The following NDUFA10 variants were observed in gnomAD, a reference collection of about 807,000 sequenced individuals.
NDUFA10 encodes NADH dehydrogenase [ubiquinone] 1 alpha subcomplex subunit 10, mitochondrial.
A neutral mutation model predicts 47.8 loss-of-function variants in NDUFA10; 40 were observed. The ratio of observed to expected loss-of-function variants is 0.84; its 90% CI spans 0.65 to 1.09. NDUFA10 has a LOEUF of 1.09. NDUFA10 is among the 50% of genes least tolerant of loss of function. The probability of loss-of-function intolerance (pLI) is 0.00; values close to 1 mark genes in which losing one functional copy is unlikely to be tolerated. For missense variants in NDUFA10, 413 were observed against 451.1 expected (o/e 0.92, Z 0.76); for synonymous variants, 183 against 172.2 (o/e 1.06, Z -0.49).
At chr2:239,952,336 C>T (rs1694570399) in intron 4 of NDUFA10, among the ~76,000 whole-genome samples, 1 of 151,864 alleles carries the variant, frequency 6.6e-6, no homozygotes. Flanking sequence ...ACCTCCTGGG[C>T]AGAGATGAGG....
At chr2:239,895,189 G>A (rs1219749177) in intron 5 of NDUFA10, 1 of 443,086 alleles carries the variant, frequency 2.3e-6, no homozygotes, top group East Asian at 7.6e-5. Flanking sequence ...CCAGGCCTCT[G>A]CCCCAACTCA....
Position 239,960,810 on chromosome 2 carries a change from G to C in NDUFA10, c.*308C>G. The C allele has an allele frequency of 7.7e-7, 1 of 1,296,784 alleles. No homozygotes were observed. The highest frequency in any genetic ancestry group is 9.9e-7 in the Non-Finnish European group (1 of 1,010,860). The allele number at this position is 1,296,784 out of a possible 1,614,324, so 80.3% of individuals were successfully genotyped here. ...GTGCACAACCTGAATGACACAGAGC[G>C]GCAGCGCTGAAACCACAGGGGCTGC... On this transcript the variant is annotated 3_prime_UTR_variant, in exon 10 of 10. Coordinates refer to ENST00000252711, the MANE Select transcript of NDUFA10 (RefSeq NM_004544.4).
intron 4 of NDUFA10, among the ~76,000 whole-genome samples, chr2:239,913,640 C>T (rs1206741156): frequency 2.6e-5 from 4 of 152,238 alleles, no homozygotes; most frequent in African/African-American, 9.6e-5. Flanking sequence ...ATGCGTCAGG[C>T]TCACGTCTGT....
intron 9 of NDUFA10, 128 bp from the exon 10 acceptor site, chr2:239,961,314 T>C: frequency 1.9e-6 from 3 of 1,546,198 alleles, no homozygotes; most frequent in Non-Finnish European, 2.6e-6. Flanking sequence ...GGTGAGCACA[T>C]GATCTGTGGC....
chr2:239,918,191 AT>A (rs1574777949), intron 4 of NDUFA10, among the ~76,000 whole-genome samples: 2 of 152,222 alleles, frequency 1.3e-5, no homozygotes, highest in East Asian at 3.9e-4. Flanking sequence ...CAGATGGACC[AT>A]GCATGCTCTG....
intron 4 of NDUFA10, 120 bp from the exon 5 acceptor site, chr2:240,014,980 T>A: frequency 7.2e-7 from 1 of 1,397,888 alleles, no homozygotes; most frequent in Non-Finnish European, 9.9e-7. Context: ...CGTACCAATC[T>A]ACAAACCCTA....
At chr2:239,915,734 CAG>C (rs964627265) in intron 4 of NDUFA10, among the ~76,000 whole-genome samples, 1 of 151,586 alleles carries the variant, frequency 6.6e-6, no homozygotes, top group African/African-American at 2.4e-5. Flanking sequence ...CAGAGACACA[CAG>C]AGATACACAT....
At chr2:239,972,143 G>A (rs1223797349) in intron 9 of NDUFA10, among the ~76,000 whole-genome samples, 3 of 27,466 alleles carry the variant, frequency 1.1e-4, no homozygotes, top group Non-Finnish European at 1.6e-4. Context: ...AAGGATGTGT[G>A]TGTGTGTGTG....
chr2:240,022,281 A>AAGT lies in NDUFA10; in HGVS notation c.132_134dup (p.Leu45dup). Reference sequence around the variant, plus strand: ...TCAGTCTTTTGCTTGCTTTATCCCCAAGTAGGAAATGCCACATTCCATAGC... The same window carrying AAGT: ...TCAGTCTTTTGCTTGCTTTATCCCCAAGTAGTAGGAAATGCCACATTCCATAGC... On this transcript the variant is annotated inframe_insertion, in exon 2 of 10. Coordinates refer to ENST00000252711, the MANE Select transcript of NDUFA10 (RefSeq NM_004544.4). 1 of 1,614,012 alleles carries AAGT rather than the reference A, an allele frequency of 6.2e-7. No homozygotes were observed. Among genetic ancestry groups the AAGT allele is most frequent in the Non-Finnish European group, 8.5e-7 (1 of 1,180,012 alleles).
At chr2:240,000,734 T>C (rs1696675239) in intron 8 of NDUFA10, among the ~76,000 whole-genome samples, 1 of 152,166 alleles carries the variant, frequency 6.6e-6, no homozygotes, top group Non-Finnish European at 1.5e-5. Context: ...TTTTATACCA[T>C]ATTATTTTTT....
chr2:239,953,843 C>T (rs568288482), downstream of NDUFA10, among the ~76,000 whole-genome samples: 19 of 152,352 alleles, frequency 1.2e-4, no homozygotes, highest in Admixed American at 9.8e-4. Context: ...AAATAGACTC[C>T]GCTTCCAAAC....
At chr2:240,020,256 G>T (rs368852920) in intron 3 of NDUFA10, among the ~76,000 whole-genome samples, 1 of 152,166 alleles carries the variant, frequency 6.6e-6, no homozygotes, top group Non-Finnish European at 1.5e-5. Flanking sequence ...GAGCTTGTGC[G>T]TGAGAAGCTC....
chr2:239,945,852 C>T lies in NDUFA10; in HGVS notation c.294+44222G>A, dbSNP rs1261874295. ...CAGGCTTCAAGGGCCCACAGGGCTC[C>T]GGGACTGCAAGCCAGAAGCACCCTG... is the stretch of plus-strand genomic sequence containing the variant. On this transcript the variant is annotated intron_variant, in intron 4 of 5. Coordinates refer to the NDUFA10 transcript ENST00000419408. The surrounding 1 kb of genome is among the most constrained non-coding windows in gnomAD (Gnocchi z 4.6). Among the ~76,000 whole-genome samples the T allele has an allele frequency of 4.6e-5, 7 of 152,060 alleles. No individual in the cohort carries two copies. The highest frequency in any genetic ancestry group is 1.2e-4 in the African/African-American group (5 of 41,404).
chr2:239,937,170 G>C (rs1694278986), intron 4 of NDUFA10, among the ~76,000 whole-genome samples: 1 of 152,106 alleles, frequency 6.6e-6, no homozygotes. Flanking sequence ...GCCAACATGA[G>C]CCCATGCACT....
intron 9 of NDUFA10, among the ~76,000 whole-genome samples, chr2:239,981,381 C>T (rs769361996): frequency 8.6e-5 from 13 of 151,226 alleles, no homozygotes; most frequent in African/African-American, 1.2e-4. Flanking sequence ...TCCAGAGCAG[C>T]GCTCCAGAGA....
intron 4 of NDUFA10, among the ~76,000 whole-genome samples, chr2:239,930,005 G>A (rs1694136484): frequency 2.0e-5 from 2 of 98,548 alleles, no homozygotes; most frequent in African/African-American, 4.3e-5. Flanking sequence ...CTTCTCAACT[G>A]CCCCTGCTCC....
chr2:239,951,119 G>C (rs1574801254), intron 4 of NDUFA10, among the ~76,000 whole-genome samples: 3 of 152,214 alleles, frequency 2.0e-5, no homozygotes, highest in Admixed American at 2.0e-4. Flanking sequence ...TCTCATCTCT[G>C]AGTCTGGATT....
Position 239,995,982 on chromosome 2 carries a change from G to A in NDUFA10, c.891-5800C>T, listed in dbSNP as rs75261477. Among the ~76,000 whole-genome samples the A allele has an allele frequency of 3.3e-3, 501 of 152,234 alleles. 4 individuals are homozygous for A. The highest frequency in any genetic ancestry group is 0.012 in the African/African-American group (478 of 41,536). ...CAAGGGAGAAATAGACAAATCCAGC[G>A]CTGTTGGAAATTTAAACCCAACTCT... On this transcript the variant is annotated intron_variant, in intron 8 of 9. Coordinates refer to ENST00000252711, the MANE Select transcript of NDUFA10 (RefSeq NM_004544.4).
At chr2:239,988,579 C>A (rs1696100663) in intron 9 of NDUFA10, among the ~76,000 whole-genome samples, 1 of 152,168 alleles carries the variant, frequency 6.6e-6, no homozygotes, top group South Asian at 2.1e-4. Flanking sequence ...CAAGAGGAAG[C>A]CGCCGAACAA....
Sources: gnomAD v4.1 joint callset for allele counts (sites outside exome capture counted in the v4.1 genomes callset) on GRCh38, gnomAD v4.1.1 for gene constraint, Gnocchi (gnomAD v3.1) non-coding constraint, MANE v1.5 for transcripts, NCBI Gene and HGNC (gene_info 2026-07-23, HGNC 2026-07-21) for gene names.